The following PBX4 variants were observed in gnomAD, a reference collection of about 807,000 sequenced individuals.
PBX4 encodes pre-B-cell leukemia transcription factor 4.
A neutral mutation model predicts 35.1 loss-of-function variants in PBX4; 26 were observed. The observed-to-expected ratio is 0.74, with a 90% confidence interval of 0.54 to 1.03. The LOEUF (loss-of-function observed/expected upper bound fraction) is 1.03. PBX4 is among the 50% of genes least tolerant of loss of function. PBX4 has a pLI of 0.00. For missense variants in PBX4, 448 were observed against 504.3 expected, an observed-to-expected ratio of 0.89 and a Z score of 1.07; for synonymous variants, 199 against 204.2, an observed-to-expected ratio of 0.97 and a Z score of 0.22.
chr19:19,575,347 A>G (rs560099988), intron 2 of PBX4, among the ~76,000 whole-genome samples: 6 of 151,998 alleles, frequency 3.9e-5, no homozygotes, highest in African/African-American at 7.2e-5. Flanking sequence ...TGTGCCTACA[A>G]TCTGGGCCTT....
At chr19:19,585,470 C>T (rs1168265999) in intron 2 of PBX4, among the ~76,000 whole-genome samples, 1 of 152,148 alleles carries the variant, frequency 6.6e-6, no homozygotes. Context: ...ATTCACCCAA[C>T]TGAGGGATTA....
chr19:19,563,702 G>A lies in PBX4; in HGVS notation c.926-87C>T, dbSNP rs1376929083. The A allele has an allele frequency of 4.4e-6, 5 of 1,136,712 alleles. No homozygotes were observed. The highest frequency in any genetic ancestry group is 3.1e-5 in the African/African-American group (2 of 64,730). 70.4% of individuals were successfully genotyped at this position (1,136,712 alleles called of 1,614,324 possible). On this transcript the variant is annotated intron_variant, in intron 6 of 7. Coordinates refer to ENST00000251203, the MANE Select transcript of PBX4 (RefSeq NM_025245.3). The surrounding 1 kb of genome is among the most constrained non-coding windows in gnomAD (Gnocchi z 5.1). ...AGCCCCTCAGCCGGCAGGAGGCCTC[G>A]AATGTGGCTCCTGCCCCTCCTCAGC...
Position 19,618,496 on chromosome 19 carries a change from G to T in PBX4, c.119+15C>A. 1 of 1,466,598 alleles carries T rather than the reference G, an allele frequency of 6.8e-7. No individual in the cohort carries two copies. 90.8% of individuals were successfully genotyped at this position (1,466,598 alleles called of 1,614,324 possible). A position where few individuals can be genotyped will look rare whatever the true frequency, so the allele number is the denominator to read the frequency against. On this transcript the variant is annotated intron_variant, in intron 1 of 7. Transcript: ENST00000251203. ...CACGACCCTGCGTGGCCCCTGCCGAGCCCGCGGGCAGCACCTGGCCTGTGC... is the reference window on the plus strand; with the variant it reads ...CACGACCCTGCGTGGCCCCTGCCGATCCCGCGGGCAGCACCTGGCCTGTGC...
At chr19:19,585,008 C>T (rs2061480297) in intron 2 of PBX4, among the ~76,000 whole-genome samples, 1 of 152,100 alleles carries the variant, frequency 6.6e-6, no homozygotes, top group South Asian at 2.1e-4. Flanking sequence ...TGGAGCCCAG[C>T]CTGTTTGTAT....
intron 2 of PBX4, chr19:19,588,522 C>T: frequency 1.9e-6 from 1 of 516,066 alleles, no homozygotes; most frequent in Non-Finnish European, 3.7e-6. Context: ...CGTGATCTAC[C>T]CGCCTCACCC....
Position 19,563,490 on chromosome 19 carries a change from G to T in PBX4, c.1032+19C>A, listed in dbSNP as rs1474963676. On this transcript the variant is annotated intron_variant, in intron 7 of 7. Transcript: ENST00000251203. This position sits in a 1 kb window ranked among gnomAD's most constrained non-coding sequence, Gnocchi z 5.1. ...CCTACCACCCACCTGGGCGCTGTGG[G>T]ACAGTGCCTGAGACTCACCTGGGAC... 1 of 1,525,552 alleles carries T rather than the reference G, an allele frequency of 6.6e-7. No homozygotes were observed. The highest frequency in any genetic ancestry group is 2.5e-5 in the East Asian group (1 of 40,566). 94.5% of individuals were successfully genotyped at this position (1,525,552 alleles called of 1,614,324 possible). A position where few individuals can be genotyped will look rare whatever the true frequency, so the allele number is the denominator to read the frequency against.
At chr19:19,578,905 C>G (rs1301294754) in intron 2 of PBX4, among the ~76,000 whole-genome samples, 2 of 152,084 alleles carry the variant, frequency 1.3e-5, no homozygotes, top group Non-Finnish European at 2.9e-5. Flanking sequence ...TCAGGGAGCT[C>G]GCTTTCCCTA....
chr19:19,584,434 G>C (rs1230727313), intron 2 of PBX4, among the ~76,000 whole-genome samples: 4 of 152,084 alleles, frequency 2.6e-5, no homozygotes, highest in African/African-American at 7.2e-5. Flanking sequence ...AAGGAGACCA[G>C]AAACTCGGGA....
intron 2 of PBX4, among the ~76,000 whole-genome samples, chr19:19,597,333 T>G (rs1354663730): frequency 6.6e-6 from 1 of 152,228 alleles, no homozygotes; most frequent in African/African-American, 2.4e-5. Context: ...AGTCACCAGA[T>G]CTCTTCTGAA....
At chr19:19,573,089 T>C (rs1447468449) in intron 2 of PBX4, among the ~76,000 whole-genome samples, 1 of 151,922 alleles carries the variant, frequency 6.6e-6, no homozygotes, top group Non-Finnish European at 1.5e-5. Context: ...GTGGATCACC[T>C]GAGGTCAGGG....
chr19:19,608,814 T>C (rs182242392), intron 1 of PBX4, among the ~76,000 whole-genome samples: 6 of 152,310 alleles, frequency 3.9e-5, no homozygotes, highest in Admixed American at 2.6e-4. Context: ...TCATGCACTC[T>C]GATTGCCCAT....
At chr19:19,566,843 G>A (rs775062060) in intron 5 of PBX4, among the ~76,000 whole-genome samples, 5 of 151,868 alleles carry the variant, frequency 3.3e-5, no homozygotes, top group Non-Finnish European at 7.4e-5. Context: ...CCCCAGTAGC[G>A]GGATTGCAGG....
intron 2 of PBX4, among the ~76,000 whole-genome samples, chr19:19,598,278 T>C (rs1029196652): frequency 1.3e-5 from 2 of 149,656 alleles, no homozygotes; most frequent in African/African-American, 4.9e-5. Context: ...TTTTTCAACT[T>C]TTCTTTTTCT....
intron 1 of PBX4, among the ~76,000 whole-genome samples, chr19:19,609,479 G>GCGGAAGTTGTGGTGAGC (rs2061650549): frequency 6.7e-6 from 1 of 149,694 alleles, no homozygotes; most frequent in Admixed American, 6.7e-5. Flanking sequence ...AACCCGGGAG[G>GCGGAAGTTGTGGTGAGC]CGGAAGTTGT....
intron 5 of PBX4, 125 bp from the exon 6 acceptor site, chr19:19,565,214 C>T: frequency 8.5e-7 from 1 of 1,181,114 alleles, no homozygotes; most frequent in South Asian, 1.4e-5. Flanking sequence ...CACCCTGGGG[C>T]TATGAAGAGT....
chr19:19,563,110 T>C lies in PBX4; in HGVS notation c.1032+399A>G, dbSNP rs1362407563. On this transcript the variant is annotated intron_variant, in intron 7 of 7. Transcript: ENST00000251203. This position sits in a 1 kb window ranked among gnomAD's most constrained non-coding sequence, Gnocchi z 5.1. ...CCACTCGCTGCCTTCCCAGCCAAGC[T>C]GCGGCACTGAGGTCTGAGCCCGAGG... 1.3e-5 allele frequency among the ~76,000 whole-genome samples: 2 copies of C among 152,148 alleles called. No homozygotes were observed. The highest frequency in any genetic ancestry group is 2.9e-5 in the Non-Finnish European group (2 of 68,024).
Position 19,562,007 on chromosome 19 carries a change from C to A in PBX4, c.*18G>T. The A allele has an allele frequency of 6.2e-7, 1 of 1,602,534 alleles. No homozygotes were observed. On this transcript the variant is annotated 3_prime_UTR_variant, in exon 8 of 8. Transcript: ENST00000251203. This position sits in a 1 kb window ranked among gnomAD's most constrained non-coding sequence, Gnocchi z 4.8. ...CATGGCAGCTCACGCAGCGCTCTTT[C>A]CTGCTTATCCCCCAAACTTAATTAG... is the stretch of plus-strand genomic sequence containing the variant.
chr19:19,598,389 C>A (rs1212353833), intron 2 of PBX4, among the ~76,000 whole-genome samples: 1 of 151,354 alleles, frequency 6.6e-6, no homozygotes, highest in Non-Finnish European at 1.5e-5. Context: ...CCTCCACCTC[C>A]TGGGTTCAAG....
intron 2 of PBX4, among the ~76,000 whole-genome samples, chr19:19,585,633 C>A (rs2061484248): frequency 1.3e-5 from 2 of 152,236 alleles, no homozygotes; most frequent in South Asian, 4.1e-4. Context: ...TGAAGATCCA[C>A]AAAAGAAGTG....
Sources: allele counts gnomAD v4.1 joint callset (sites outside exome capture counted in the v4.1 genomes callset), GRCh38; gene constraint gnomAD v4.1.1; non-coding constraint Gnocchi (gnomAD v3.1); transcripts MANE v1.5; gene names NCBI Gene and HGNC (gene_info 2026-07-23, HGNC 2026-07-21).